Variants in STK17B observed in about 807,000 individuals in gnomAD.
STK17B encodes the protein serine/threonine kinase 17b.
Under a neutral mutation model 42.0 loss-of-function variants are expected in STK17B, and 21 were observed. That is an observed-to-expected ratio of 0.50 (90% CI 0.35 to 0.72). STK17B has a LOEUF of 0.72. Ranked by LOEUF, STK17B falls within the 30% of genes least tolerant of loss-of-function variation. The pLI is 0.00. For missense variants in STK17B, 349 were observed against 446.0 expected (o/e 0.78, Z 1.96); for synonymous variants, 143 against 148.4 (o/e 0.96, Z 0.26).
chr2:196,150,391 T>C (rs919478955), intron 3 of STK17B, among the ~76,000 whole-genome samples: 3 of 152,158 alleles, frequency 2.0e-5, no homozygotes, highest in Non-Finnish European at 4.4e-5. Flanking sequence ...TATATACATG[T>C]GCTATGTGTG....
At chr2:196,155,942 C>A (rs573799524) in intron 3 of STK17B, 1 of 154,182 alleles carries the variant, frequency 6.5e-6, no homozygotes, top group South Asian at 2.0e-4. Context: ...AAATGTATTT[C>A]TTTAACAAAC....
At position 196,146,030 on chromosome 2, in the gene STK17B, G is replaced by C. The variant is rs1222420056; in HGVS notation, c.361C>G (p.Leu121Val). 1.3e-6 allele frequency: 2 copies of C among 1,589,020 alleles called. No homozygotes were observed. The highest frequency in any genetic ancestry group is 2.7e-5 in the African/African-American group (2 of 73,246). The change falls in exon 4 of 8, where the codon CTG (leucine) becomes GTG (valine). Residue 121 changes from leucine (L) to valine (V), a missense_variant. Transcript: ENST00000263955. Reference protein sequence around the residue: ...EYAAGGEIFSLCLPELAEMVS... With the variant: ...EYAAGGEIFSVCLPELAEMVS... Reference sequence around the variant, plus strand: ...ATTTCAGCCAACTCAGGTAAACACAGGCTGAAAATTTCTCCACCTGCAGCA... The same window carrying C: ...ATTTCAGCCAACTCAGGTAAACACACGCTGAAAATTTCTCCACCTGCAGCA...
Position 196,143,692 on chromosome 2 carries a change from C to A in STK17B, c.481-6G>T, listed in dbSNP as rs1559409175. ...CTCAGTAATATATTCTGTGGCTAAA[C>A]AAAGTACAACAAAAACATGATAAGT... On this transcript the variant is annotated splice_region_variant and splice_polypyrimidine_tract_variant and intron_variant, in intron 4 of 7. Coordinates refer to ENST00000263955, the MANE Select transcript of STK17B (RefSeq NM_004226.4). 2.0e-6 allele frequency: 3 copies of A among 1,493,224 alleles called. No individual in the cohort carries two copies. Among genetic ancestry groups the A allele is most frequent in the Non-Finnish European group, 2.7e-6 (3 of 1,119,732 alleles). The allele number at this position is 1,493,224 out of a possible 1,614,324, so 92.5% of individuals were successfully genotyped here.
At chr2:196,156,168 T>TA in intron 3 of STK17B, 1 of 245,918 alleles carries the variant, frequency 4.1e-6, no homozygotes. Flanking sequence ...TTCAATCAAT[T>TA]AGCCATTAAG....
At position 196,169,153 on chromosome 2, in the gene STK17B, T is replaced by C. The variant is rs1037781913; in HGVS notation, c.-45+2180A>G. 3.4e-5 allele frequency among the ~76,000 whole-genome samples: 5 copies of C among 146,710 alleles called. No homozygotes were observed. The South Asian group carries it at 8.6e-4, about 25-fold the overall frequency. ...GTGCAGTGGCGTGATCTCGGCTCAC[T>C]GCAACCTCGGCCTTCCGGGTCAAGC... On this transcript the variant is annotated intron_variant, in intron 1 of 7. Transcript: ENST00000263955.
At position 196,135,177 on chromosome 2, in the gene STK17B, A is replaced by AT. The variant is rs1383932120; in HGVS notation, c.*2269dup. 4 of 152,154 alleles carry AT rather than the reference A, an allele frequency of 2.6e-5. No homozygotes were observed. The highest frequency in any genetic ancestry group is 5.9e-5 in the Non-Finnish European group (4 of 68,008). 9.4% of individuals were successfully genotyped at this position (152,154 alleles called of 1,614,324 possible). Reference sequence around the variant, plus strand: ...TAATTTAAAATTCAAATATTTCTTGATTTTTTGGGGGATGGCATGATTCCT... The same window carrying AT: ...TAATTTAAAATTCAAATATTTCTTGATTTTTTTGGGGGATGGCATGATTCCT... On this transcript the variant is annotated 3_prime_UTR_variant, in exon 8 of 8. Transcript: ENST00000263955.
At position 196,136,603 on chromosome 2, in the gene STK17B, C is replaced by G. The variant is rs1699409469; in HGVS notation, c.*844G>C. ...GTGTGTCAACATTTTCTTCTATATT[C>G]AATTAATAAATATGTTTGACTAAAA... On this transcript the variant is annotated 3_prime_UTR_variant, in exon 8 of 8. Transcript: ENST00000263955. 6.6e-6 allele frequency: 1 copy of G among 152,134 alleles called. No individual in the cohort carries two copies. Among genetic ancestry groups the G allele is most frequent in the Non-Finnish European group, 1.5e-5 (1 of 68,038 alleles). 9.4% of individuals were successfully genotyped at this position (152,134 alleles called of 1,614,324 possible). A position where few individuals can be genotyped will look rare whatever the true frequency, so the allele number is the denominator to read the frequency against.
At chr2:196,174,902 A>G (rs1699984372), upstream of STK17B, among the ~76,000 whole-genome samples, 2 of 152,230 alleles carry the variant, frequency 1.3e-5, no homozygotes, top group South Asian at 4.1e-4. Flanking sequence ...TCTTCCTTAA[A>G]GGGTGACACA....
intron 1 of STK17B, among the ~76,000 whole-genome samples, chr2:196,168,641 A>G (rs777211191): frequency 1.3e-5 from 2 of 150,870 alleles, no homozygotes; most frequent in African/African-American, 2.5e-5. Context: ...TATAAATATT[A>G]AAAGAAACTA....
chr2:196,139,980 C>T (rs1383859587), intron 6 of STK17B, among the ~76,000 whole-genome samples, 181 bp from the exon 7 acceptor site: 1 of 152,140 alleles, frequency 6.6e-6, no homozygotes, highest in Non-Finnish European at 1.5e-5. Flanking sequence ...GTGTGCCTCA[C>T]AGAAAGAGAA....
intron 3 of STK17B, chr2:196,154,424 A>T (rs1699712013): frequency 6.6e-6 from 1 of 152,254 alleles, no homozygotes; most frequent in Admixed American, 6.5e-5. Context: ...GATGTGATAC[A>T]ATAAATACAC....
intron 7 of STK17B, among the ~76,000 whole-genome samples, chr2:196,138,321 G>C (rs897142649): frequency 6.6e-6 from 1 of 152,096 alleles, no homozygotes; most frequent in Non-Finnish European, 1.5e-5. Flanking sequence ...TTCCACATCA[G>C]TACAGAGTTA....
chr2:196,158,007 T>C (rs1298643454), intron 2 of STK17B, among the ~76,000 whole-genome samples: 1 of 152,226 alleles, frequency 6.6e-6, no homozygotes, highest in Non-Finnish European at 1.5e-5. Flanking sequence ...AGGCTGAGTA[T>C]AGGGGATCCA....
intron 3 of STK17B, among the ~76,000 whole-genome samples, chr2:196,150,909 G>T (rs954403695): frequency 6.6e-6 from 1 of 152,168 alleles, no homozygotes; most frequent in African/African-American, 2.4e-5. Flanking sequence ...AATCAAATGA[G>T]AATACAGATA....
At chr2:196,157,742 G>C (rs760539446) in intron 2 of STK17B, among the ~76,000 whole-genome samples, 2 of 152,146 alleles carry the variant, frequency 1.3e-5, no homozygotes, top group African/African-American at 2.4e-5. Context: ...GCAGTGCTTA[G>C]TACCTCTGCC....
intron 3 of STK17B, among the ~76,000 whole-genome samples, chr2:196,148,870 G>A (rs1472418615): frequency 1.3e-5 from 2 of 152,186 alleles, no homozygotes; most frequent in East Asian, 3.8e-4. Flanking sequence ...CAGTGCCTAG[G>A]AAGAGACAGG....
At chr2:196,139,931 A>C in intron 6 of STK17B, 132 bp from the exon 7 acceptor site, 1 of 561,976 alleles carries the variant, frequency 1.8e-6, no homozygotes, top group Non-Finnish European at 2.7e-6. Context: ...TTGCTTTTCA[A>C]AGTTCCTATA....
chr2:196,148,981 CCT>C (rs1309677146), intron 3 of STK17B, among the ~76,000 whole-genome samples: 2 of 152,104 alleles, frequency 1.3e-5, no homozygotes, highest in Admixed American at 6.5e-5. Context: ...ACAAAATGTG[CCT>C]CTGTTTCTTC....
intron 6 of STK17B, among the ~76,000 whole-genome samples, 186 bp from the exon 7 acceptor site, chr2:196,139,985 A>G (rs1575170497): frequency 2.6e-5 from 4 of 152,214 alleles, no homozygotes; most frequent in African/African-American, 9.7e-5. Flanking sequence ...CCTCACAGAA[A>G]GAGAACACAA....
Sources: allele counts gnomAD v4.1 joint callset (sites outside exome capture counted in the v4.1 genomes callset), GRCh38; gene constraint gnomAD v4.1.1; transcripts MANE v1.5; gene names NCBI Gene and HGNC (gene_info 2026-07-23, HGNC 2026-07-21).